Variants in GPHN observed in about 807,000 individuals in gnomAD.
The protein encoded by GPHN is gephyrin.
GPHN carries 17 observed loss-of-function variants against 95.5 expected under a neutral mutation model. The ratio of observed to expected loss-of-function variants is 0.18; its 90% confidence interval spans 0.12 to 0.27. The LOEUF (loss-of-function observed/expected upper bound fraction) is 0.27. Ranked by LOEUF, GPHN falls within the 10% of genes least tolerant of loss-of-function variation. GPHN has a pLI of 1.00. For synonymous variants in GPHN, 320 were observed against 322.5 expected (o/e 0.99, Z 0.08); for missense variants, 660 against 978.1 (o/e 0.67, Z 4.34).
At chr14:67,223,260 A>G in the GPHN span, among the ~76,000 whole-genome samples, 1 of 151,982 alleles carries the variant, frequency 6.6e-6, no homozygotes, top group African/African-American at 2.4e-5. Flanking sequence ...TTGGCCTCCC[A>G]AAGTGCTGGG....
chr14:66,790,557 C>A (rs2153471162), intron 3 of GPHN, among the ~76,000 whole-genome samples: 1 of 152,258 alleles, frequency 6.6e-6, no homozygotes, highest in East Asian at 1.9e-4. Flanking sequence ...AAGGTAGAGA[C>A]CAAGAGAAGG....
the GPHN span, among the ~76,000 whole-genome samples, chr14:67,450,529 G>T: frequency 6.6e-6 from 1 of 152,224 alleles, no homozygotes; most frequent in Non-Finnish European, 1.5e-5. Context: ...TGAGGAACTT[G>T]TTGGGAATTG....
At chr14:67,177,237 A>G (rs1179270916) in intron 21 of GPHN, among the ~76,000 whole-genome samples, 1 of 152,192 alleles carries the variant, frequency 6.6e-6, no homozygotes, top group East Asian at 1.9e-4. Context: ...TTCCCTCTAC[A>G]CATTGCTTTA....
the GPHN span, among the ~76,000 whole-genome samples, chr14:67,607,652 ACC>A: frequency 6.6e-6 from 1 of 152,168 alleles, no homozygotes; most frequent in Non-Finnish European, 1.5e-5. Context: ...GGCGTGAGCC[ACC>A]ACGCCCGGCC....
the GPHN span, among the ~76,000 whole-genome samples, chr14:67,560,080 G>A: frequency 2.0e-5 from 3 of 152,204 alleles, no homozygotes; most frequent in African/African-American, 4.8e-5. Flanking sequence ...AGGCTGGAGT[G>A]TAGTGGCGCA....
intron 2 of GPHN, among the ~76,000 whole-genome samples, chr14:66,755,519 A>C (rs111260344): frequency 5.1e-4 from 77 of 152,186 alleles, no homozygotes; most frequent in African/African-American, 1.6e-3. Flanking sequence ...GCTCTTTGAG[A>C]TGTAGACTCT....
chr14:67,588,308 A>G, the GPHN span: 1 of 152,568 alleles, frequency 6.6e-6, no homozygotes, highest in Non-Finnish European at 1.5e-5. Flanking sequence ...AAGACCAAGC[A>G]AATGCACTCT....
chr14:67,511,184 C>T, the GPHN span, among the ~76,000 whole-genome samples: 3 of 152,040 alleles, frequency 2.0e-5, no homozygotes, highest in East Asian at 3.9e-4. Flanking sequence ...AGATGGCATT[C>T]GTCATTCAAG....
chr14:66,904,766 G>T (rs2065292586), intron 5 of GPHN, among the ~76,000 whole-genome samples: 1 of 152,120 alleles, frequency 6.6e-6, no homozygotes, highest in African/African-American at 2.4e-5. Flanking sequence ...AAGGGTCAGT[G>T]GGTTGGTCCA....
At chr14:66,933,032 A>G (rs1255559449) in intron 8 of GPHN, among the ~76,000 whole-genome samples, 1 of 152,222 alleles carries the variant, frequency 6.6e-6, no homozygotes, top group Non-Finnish European at 1.5e-5. Context: ...TTTCTCATTG[A>G]TTAACTATTT....
chr14:67,729,395 T>C, the GPHN span: 2 of 1,596,370 alleles, frequency 1.3e-6, no homozygotes, highest in Non-Finnish European at 1.7e-6. Flanking sequence ...GTGAAGGCAA[T>C]GCGGTTCTCT....
At chr14:66,713,812 A>G (rs1262624269) in intron 2 of GPHN, among the ~76,000 whole-genome samples, 2 of 151,964 alleles carry the variant, frequency 1.3e-5, no homozygotes, top group African/African-American at 4.8e-5. Flanking sequence ...TCTGTTGCCC[A>G]GACTGGAGTG....
At chr14:67,260,438 G>A in the GPHN span, among the ~76,000 whole-genome samples, 91 of 152,230 alleles carry the variant, frequency 6.0e-4, no homozygotes, top group South Asian at 2.1e-4. Context: ...TATATGTTAC[G>A]AACTCATCAA....
chr14:67,515,731 G>A, the GPHN span, among the ~76,000 whole-genome samples: 1 of 152,206 alleles, frequency 6.6e-6, no homozygotes, highest in African/African-American at 2.4e-5. Flanking sequence ...GTAGTTGTGG[G>A]GACCAGGCGT....
chr14:67,517,627 C>T, the GPHN span, among the ~76,000 whole-genome samples: 3 of 152,182 alleles, frequency 2.0e-5, no homozygotes, highest in African/African-American at 7.2e-5. Context: ...TCTACTTTCT[C>T]CAGCTCTCCA....
intron 1 of GPHN, among the ~76,000 whole-genome samples, chr14:66,670,587 G>T (rs1356712318): frequency 6.6e-6 from 1 of 152,118 alleles, no homozygotes; most frequent in African/African-American, 2.4e-5. Context: ...GAGCTTAGAA[G>T]TTCAAACCAG....
the GPHN span, among the ~76,000 whole-genome samples, chr14:67,250,357 C>A: frequency 6.6e-6 from 1 of 152,090 alleles, no homozygotes; most frequent in Non-Finnish European, 1.5e-5. Flanking sequence ...CTCAGAAGTA[C>A]TAGACACTCA....
the GPHN span, among the ~76,000 whole-genome samples, chr14:67,572,569 T>G: frequency 1.3e-5 from 2 of 152,102 alleles, no homozygotes; most frequent in Admixed American, 6.5e-5. Flanking sequence ...TATATGACTT[T>G]GTTTTATCAC....
chr14:67,095,864 G>A lies in GPHN; in HGVS notation c.1238-4992G>A, dbSNP rs189970018. Among the ~76,000 whole-genome samples the A allele has an allele frequency of 3.9e-3, 572 of 148,284 alleles. 8 individuals carry two copies. Among genetic ancestry groups the A allele is most frequent in the Middle Eastern group, 0.014 (4 of 286 alleles). The stretch of plus-strand genomic sequence containing the variant: ...TTAATGGGTGCAGCACACCAGCATG[G>A]CACATGTATACATATGTAACTAACC... On this transcript the variant is annotated intron_variant, in intron 12 of 22. Transcript: ENST00000478722.
Sources: gnomAD v4.1 joint callset for allele counts (sites outside exome capture counted in the v4.1 genomes callset) on GRCh38, gnomAD v4.1.1 for gene constraint, MANE v1.5 for transcripts, NCBI Gene and HGNC (gene_info 2026-07-23, HGNC 2026-07-21) for gene names.